Variants in CSMD2 observed in about 807,000 individuals in gnomAD.
The protein encoded by CSMD2 is CUB and Sushi multiple domains 2, also known as CUB and sushi domain-containing protein 2.
A neutral mutation model predicts 398.5 loss-of-function variants in CSMD2; 130 were observed. The ratio of observed to expected loss-of-function variants is 0.33; its 90% CI spans 0.28 to 0.38. The LOEUF (loss-of-function observed/expected upper bound fraction) is 0.38. Among genes scored for constraint, CSMD2 ranks in the 10% least tolerant of loss-of-function variants. The probability of loss-of-function intolerance (pLI) is 1.00; values close to 1 mark genes in which losing one functional copy is unlikely to be tolerated. For synonymous variants in CSMD2, 1,828 were observed against 1,908.5 expected, an observed-to-expected ratio of 0.96 and a Z score of 1.10; for missense variants, 3,829 against 4,764.9, an observed-to-expected ratio of 0.80 and a Z score of 5.78.
Position 33,625,203 on chromosome 1 carries a change from T to C in CSMD2, c.5348A>G (p.Tyr1783Cys). The change falls in exon 34 of 71, where the codon TAT becomes TGT. Residue 1783 changes from tyrosine to cysteine, a missense_variant. By Grantham distance (194) the Tyr-to-Cys change is radical. Coordinates refer to ENST00000373381, the MANE Select transcript of CSMD2 (RefSeq NM_001281956.2). ...TQCSSVPEPRYGKRLGSDFSV... is the reference protein window; with the variant it reads ...TQCSSVPEPRCGKRLGSDFSV... ...GAAGTCACTGCCCAGCCTCTTGCCA[T>C]AGCGGGGTTCCGGCACAGAGCTGCA... 6.2e-7 allele frequency: 1 copy of C among 1,612,062 alleles called. No homozygotes were observed. The highest frequency in any genetic ancestry group is 1.7e-4 in the Middle Eastern group (1 of 6,056).
At chr1:34,036,841 G>A (rs1651189720) in intron 2 of CSMD2, among the ~76,000 whole-genome samples, 2 of 152,154 alleles carry the variant, frequency 1.3e-5, no homozygotes, top group South Asian at 4.1e-4. Flanking sequence ...TCTTGAGAAT[G>A]CCTCCTGATT....
intron 5 of CSMD2, among the ~76,000 whole-genome samples, chr1:33,855,225 G>T (rs1267837815): frequency 6.6e-6 from 1 of 152,150 alleles, no homozygotes; most frequent in African/African-American, 2.4e-5. Context: ...TTGAAGATCA[G>T]TCTCCTTCCC....
Position 33,624,983 on chromosome 1 carries a change from C to T in CSMD2, c.5500+68G>A. On this transcript the variant is annotated intron_variant, in intron 34 of 70. Transcript: ENST00000373381. The surrounding 1 kb of genome is among the most constrained non-coding windows in gnomAD (Gnocchi z 4.7). Reference sequence around the variant, plus strand: ...CGTGGGGCATCACTGGGGCTGACTGCCTCCCCTACAGAGAAAGGACTACGT... The same window carrying T: ...CGTGGGGCATCACTGGGGCTGACTGTCTCCCCTACAGAGAAAGGACTACGT... 2 of 1,491,902 alleles carry T rather than the reference C, an allele frequency of 1.3e-6. No homozygotes were observed. The highest frequency in any genetic ancestry group is 1.4e-5 in the African/African-American group (1 of 72,526). The allele number at this position is 1,491,902 out of a possible 1,614,324, so 92.4% of individuals were successfully genotyped here. A position where few individuals can be genotyped will look rare whatever the true frequency, so the allele number is the denominator to read the frequency against.
intron 3 of CSMD2, among the ~76,000 whole-genome samples, chr1:33,959,063 C>A (rs147882299): frequency 9.3e-4 from 142 of 152,276 alleles, no homozygotes; most frequent in Non-Finnish European, 1.1e-3. Context: ...GCTCAATTTT[C>A]CAGATCAGAT....
chr1:33,808,865 G>A (rs1656530982), intron 10 of CSMD2, among the ~76,000 whole-genome samples: 1 of 151,108 alleles, frequency 6.6e-6, no homozygotes, highest in African/African-American at 2.4e-5. Flanking sequence ...ATACATATTA[G>A]AAATGAAAAA....
chr1:33,568,481 C>G (rs987130282), intron 52 of CSMD2, among the ~76,000 whole-genome samples: 1 of 152,226 alleles, frequency 6.6e-6, no homozygotes, highest in Admixed American at 6.5e-5. Flanking sequence ...GCCACCACAC[C>G]TAGCCTGGGC....
chr1:34,110,504 A>T (rs1215021124), intron 1 of CSMD2, among the ~76,000 whole-genome samples: 1 of 152,104 alleles, frequency 6.6e-6, no homozygotes, highest in Non-Finnish European at 1.5e-5. Flanking sequence ...ATGGAATGCT[A>T]TCCAGCCATA....
chr1:34,152,630 G>A (rs761530256), intron 1 of CSMD2, among the ~76,000 whole-genome samples: 2 of 152,154 alleles, frequency 1.3e-5, no homozygotes, highest in Non-Finnish European at 2.9e-5. Flanking sequence ...TGATCCTGCA[G>A]GTCTCGGCTT....
In CSMD2 at chr1:33,522,896, G is replaced by A. The variant is rs180814493; in HGVS notation, c.10509+411C>T. ...CTGCCATGTCCTGGTCTCTCAAGCTGTGTTAATCACTCACAATCTGCATCC... is the reference window on the plus strand; with the variant it reads ...CTGCCATGTCCTGGTCTCTCAAGCTATGTTAATCACTCACAATCTGCATCC... On this transcript the variant is annotated intron_variant, in intron 67 of 70. Coordinates refer to ENST00000373381, the MANE Select transcript of CSMD2 (RefSeq NM_001281956.2). Among the ~76,000 whole-genome samples, 4 of 152,328 alleles carry A rather than the reference G, an allele frequency of 2.6e-5. No individual in the cohort carries two copies. The East Asian group carries it at 7.7e-4, about 29-fold the overall frequency.
intron 6 of CSMD2, among the ~76,000 whole-genome samples, chr1:33,827,907 C>G (rs1008313228): frequency 4.6e-5 from 7 of 152,172 alleles, no homozygotes; most frequent in Admixed American, 3.3e-4. Flanking sequence ...GGATCTGCTC[C>G]CAAGCTCAGG....
At chr1:33,905,588 G>A (rs536588210) in intron 5 of CSMD2, among the ~76,000 whole-genome samples, 16 of 152,334 alleles carry the variant, frequency 1.1e-4, no homozygotes, top group Admixed American at 2.6e-4. Context: ...GAGCCATTCC[G>A]TGGTAGCTGA....
intron 1 of CSMD2, among the ~76,000 whole-genome samples, chr1:34,136,027 G>C (rs1220875243): frequency 6.6e-6 from 1 of 151,924 alleles, no homozygotes; most frequent in Non-Finnish European, 1.5e-5. Context: ...AAACTTAAAG[G>C]GAAGAGAAGG....
intron 12 of CSMD2, among the ~76,000 whole-genome samples, chr1:33,775,248 A>G (rs898804088): frequency 3.3e-5 from 5 of 152,172 alleles, no homozygotes; most frequent in African/African-American, 1.2e-4. Flanking sequence ...CCTGGATCCA[A>G]CCCTATGCTC....
chr1:33,759,128 G>T (rs181827738), intron 13 of CSMD2, among the ~76,000 whole-genome samples: 10 of 152,232 alleles, frequency 6.6e-5, no homozygotes, highest in Admixed American at 4.6e-4. Flanking sequence ...GGTTAGAGAT[G>T]GTCTCTCTGG....
chr1:34,085,435 A>G (rs1279764886), intron 2 of CSMD2, among the ~76,000 whole-genome samples: 1 of 152,072 alleles, frequency 6.6e-6, no homozygotes, highest in Admixed American at 6.5e-5. Context: ...CACACTAACA[A>G]TGATAATCAC....
At position 33,617,532 on chromosome 1, in the gene CSMD2, C is replaced by T. The variant is rs761300938; in HGVS notation, c.5913G>A (p.Val1971=). 1 of 1,614,086 alleles carries T rather than the reference C, an allele frequency of 6.2e-7. No individual in the cohort carries two copies. The highest frequency in any genetic ancestry group is 8.5e-7 in the Non-Finnish European group (1 of 1,179,984). The part of the protein sequence containing the change: ...TGERYLVNDV[V]SFQCEPGYAL... ...CATATCCCGGCTCACACTGGAAAGA[C>T]ACCACATCATTCACCAAGTAGCGCT... is the stretch of plus-strand genomic sequence containing the variant. Residue 1971 remains valine (V), a synonymous_variant, in exon 38 of 71, where the codon GTG becomes GTA. Transcript: ENST00000373381.
rs1202391418 is a variant in CSMD2 at position 33,571,741 on chromosome 1, A to G, written c.7763-15T>C. On this transcript the variant is annotated splice_polypyrimidine_tract_variant and intron_variant, in intron 50 of 70. Coordinates refer to ENST00000373381, the MANE Select transcript of CSMD2 (RefSeq NM_001281956.2). ...ACAAGTCACAGCTGGGGAAATGAGG[A>G]AAAGAAAGGAGGATTAATTACTTGA... 1.4e-6 allele frequency: 2 copies of G among 1,446,052 alleles called. No homozygotes were observed. The highest frequency in any genetic ancestry group is 4.2e-5 in the Admixed American group (2 of 47,896). 89.6% of individuals were successfully genotyped at this position (1,446,052 alleles called of 1,614,324 possible). A position where few individuals can be genotyped will look rare whatever the true frequency, so the allele number is the denominator to read the frequency against.
intron 2 of CSMD2, among the ~76,000 whole-genome samples, chr1:34,050,914 T>C (rs1464369628): frequency 6.6e-6 from 1 of 152,092 alleles, no homozygotes; most frequent in African/African-American, 2.4e-5. Flanking sequence ...GGCTAGCATA[T>C]GCTATGCTAG....
chr1:34,001,450 A>G (rs981116052), intron 3 of CSMD2, among the ~76,000 whole-genome samples: 1 of 152,228 alleles, frequency 6.6e-6, no homozygotes, highest in Non-Finnish European at 1.5e-5. Flanking sequence ...TAAACAAGAG[A>G]GAAATAAGTC....
Sources: allele counts gnomAD v4.1 joint callset (sites outside exome capture counted in the v4.1 genomes callset), GRCh38; gene constraint gnomAD v4.1.1; non-coding constraint Gnocchi (gnomAD v3.1); transcripts MANE v1.5; gene names NCBI Gene and HGNC (gene_info 2026-07-23, HGNC 2026-07-21).